The following SAG variants were observed in gnomAD, a reference collection of about 807,000 sequenced individuals.
SAG encodes the protein S-arrestin.
In SAG, 45 loss-of-function variants were observed where a neutral mutation model predicts 55.0. That is an observed-to-expected ratio of 0.82 (90% CI 0.64 to 1.05). The LOEUF (loss-of-function observed/expected upper bound fraction) is 1.05. Among genes scored for constraint, SAG ranks in the 50% least tolerant of loss-of-function variants. The pLI, the probability that SAG is intolerant of heterozygous loss-of-function variation, is 0.00. For synonymous variants in SAG, 189 were observed against 197.4 expected, an observed-to-expected ratio of 0.96 and a Z score of 0.36; for missense variants, 455 against 512.1, an observed-to-expected ratio of 0.89 and a Z score of 1.08.
chr2:233,338,086 G>T (rs1274203455), intron 11 of SAG, among the ~76,000 whole-genome samples: 1 of 152,222 alleles, frequency 6.6e-6, no homozygotes, highest in Non-Finnish European at 1.5e-5. Context: ...GGGTGCTGGG[G>T]ACACACAGCT....
intron 15 of SAG, 125 bp from the exon 16 acceptor site, chr2:233,346,682 G>A: frequency 1.3e-6 from 1 of 772,176 alleles, no homozygotes; most frequent in South Asian, 1.5e-5. Context: ...AAAATGGCGT[G>A]CCCCCATGTT....
At chr2:233,320,084 G>A in intron 4 of SAG, 1 of 703,276 alleles carries the variant, frequency 1.4e-6, no homozygotes, top group Non-Finnish European at 1.7e-6. Flanking sequence ...GTATGTTTCA[G>A]AGCAGCGTGA....
intron 2 of SAG, among the ~76,000 whole-genome samples, chr2:233,309,484 T>C (rs1483084952): frequency 6.6e-6 from 1 of 152,046 alleles, no homozygotes; most frequent in Non-Finnish European, 1.5e-5. Context: ...CCATCTCTAC[T>C]AAAAATACAA....
chr2:233,321,633 G>A (rs1368233354), intron 5 of SAG, among the ~76,000 whole-genome samples: 2 of 152,114 alleles, frequency 1.3e-5, no homozygotes, highest in Non-Finnish European at 2.9e-5. Flanking sequence ...GGGGTTTAAT[G>A]GGAACAGAGC....
Position 233,327,209 on chromosome 2 carries a change from G to A in SAG, c.512+12G>A. On this transcript the variant is annotated intron_variant, in intron 7 of 15. Transcript: ENST00000409110. Reference sequence around the variant, plus strand: ...AAAATCCCCAAGAAGTAAGAGTATGGTTGCGGAATAGGTGAGGGGTCTGCG... The same window carrying A: ...AAAATCCCCAAGAAGTAAGAGTATGATTGCGGAATAGGTGAGGGGTCTGCG... 1 of 1,611,474 alleles carries A rather than the reference G, an allele frequency of 6.2e-7. No individual in the cohort carries two copies. Among genetic ancestry groups the A allele is most frequent in the Non-Finnish European group, 8.5e-7 (1 of 1,177,682 alleles).
rs1700288645 is a variant in SAG, at chr2:233,318,798, G to A, written c.181+3G>A. Reference sequence around the variant, plus strand: ...TGATCTTGTGAAGGGAAAGAAAGGTGAGATGAAGCCCCTTGTCTCAGGCTG... The same window carrying A: ...TGATCTTGTGAAGGGAAAGAAAGGTAAGATGAAGCCCCTTGTCTCAGGCTG... On this transcript the variant is annotated splice_donor_region_variant and intron_variant, in intron 4 of 15. Coordinates refer to ENST00000409110, the MANE Select transcript of SAG (RefSeq NM_000541.5). The A allele has an allele frequency of 6.2e-7, 1 of 1,613,514 alleles. No homozygotes were observed. The highest frequency in any genetic ancestry group is 8.5e-7 in the Non-Finnish European group (1 of 1,179,430).
At position 233,319,725 on chromosome 2, in the gene SAG, G is replaced by A. The variant is rs929961882; in HGVS notation, c.182-905G>A. ...AGCCCAAGTCCTTGACCAGAGAAGG[G>A]CGCCTGTTCTCAGGGAAAGCCACTG... is the stretch of plus-strand genomic sequence containing the variant. On this transcript the variant is annotated intron_variant, in intron 4 of 15. Coordinates refer to ENST00000409110, the MANE Select transcript of SAG (RefSeq NM_000541.5). This position sits in a 1 kb window ranked among gnomAD's most constrained non-coding sequence, Gnocchi z 4.4. The A allele has an allele frequency of 3.0e-6, 3 of 985,590 alleles. No homozygotes were observed. In the African/African-American group the frequency reaches 5.2e-5, roughly 17 times the overall value. The allele number at this position is 985,590 out of a possible 1,614,324, so 61.1% of individuals were successfully genotyped here.
chr2:233,315,992 G>T (rs1005323335), intron 2 of SAG, 83 bp from the exon 3 acceptor site: 61 of 813,526 alleles, frequency 7.5e-5, no homozygotes, highest in Admixed American at 3.5e-4. Context: ...GAGCCACCGC[G>T]CCCGGGCTGC....
At chr2:233,329,718 G>GA in intron 9 of SAG, 141 bp downstream of exon 9, 1 of 630,630 alleles carries the variant, frequency 1.6e-6, no homozygotes, top group Non-Finnish European at 2.8e-6. Flanking sequence ...ATAGGCAGCA[G>GA]GACTGCGGAG....
rs1472570547 is a variant in SAG at position 233,340,890 on chromosome 2, C to T, written c.1046+412C>T. ...GTGCAGTGACGTGATCTCGGCTCAC[C>T]GTGACCTCCACTTCCTGGGTTCAGG... On this transcript the variant is annotated intron_variant, in intron 13 of 15. Coordinates refer to ENST00000409110, the MANE Select transcript of SAG (RefSeq NM_000541.5). The surrounding 1 kb of genome is among the most constrained non-coding windows in gnomAD (Gnocchi z 4.2). 3.3e-5 allele frequency among the ~76,000 whole-genome samples: 5 copies of T among 152,102 alleles called. No homozygotes were observed. The highest frequency in any genetic ancestry group is 1.9e-4 in the East Asian group (1 of 5,190).
Position 233,324,147 on chromosome 2 carries a change from A to G in SAG, c.435+1142A>G, listed in dbSNP as rs568241029. On this transcript the variant is annotated intron_variant, in intron 6 of 15. Coordinates refer to ENST00000409110, the MANE Select transcript of SAG (RefSeq NM_000541.5). ...TGCAGTGGCTCAGGCCTGTCATCCC[A>G]GCACTTTGGGAGGCTGAGGTGGGCG... 4.6e-5 allele frequency among the ~76,000 whole-genome samples: 7 copies of G among 152,298 alleles called. No individual in the cohort carries two copies. The East Asian group carries it at 1.4e-3, about 29-fold the overall frequency.
rs143841408 is a variant in SAG, at chr2:233,331,558, C to T, written c.734-82C>T. On this transcript the variant is annotated intron_variant, in intron 9 of 15. Coordinates refer to ENST00000409110, the MANE Select transcript of SAG (RefSeq NM_000541.5). ...ACCATCATCAGAGAGGAGAGACCAG[C>T]GTGTACCCTGGGAGGCCGCAGGGAA... 3,055 of 841,950 alleles carry T rather than the reference C, an allele frequency of 3.6e-3. 65 individuals are homozygous for T. Among genetic ancestry groups the T allele is most frequent in the South Asian group, 0.023 (1,647 of 72,128 alleles). The allele number at this position is 841,950 out of a possible 1,614,324, so 52.2% of individuals were successfully genotyped here.
At chr2:233,329,332 A>G (rs1700674646) in intron 8 of SAG, 161 bp from the exon 9 acceptor site, 5 of 609,400 alleles carry the variant, frequency 8.2e-6, no homozygotes, top group Non-Finnish European at 1.5e-5. Flanking sequence ...AATGTGTTTC[A>G]GGCCCTTCCT....
intron 14 of SAG, chr2:233,343,612 C>T: frequency 9.0e-7 from 1 of 1,114,952 alleles, no homozygotes. Context: ...TGATCTCAAT[C>T]ATTCTCTTTC....
At chr2:233,315,489 C>T (rs1446348344) in intron 2 of SAG, among the ~76,000 whole-genome samples, 1 of 151,372 alleles carries the variant, frequency 6.6e-6, no homozygotes, top group East Asian at 1.9e-4. Context: ...GACAGGGTTT[C>T]GTCATGTTGG....
rs1452959569 is a variant in SAG, at chr2:233,319,008, A to G, written c.181+213A>G. Reference sequence around the variant, plus strand: ...TGACACCAGAGCTCACTCGCTCAGCAAAGTCATTGTCCAGGGTGGCAGATA... The same window carrying G: ...TGACACCAGAGCTCACTCGCTCAGCGAAGTCATTGTCCAGGGTGGCAGATA... On this transcript the variant is annotated intron_variant, in intron 4 of 15. Coordinates refer to ENST00000409110, the MANE Select transcript of SAG (RefSeq NM_000541.5). The surrounding 1 kb of genome is among the most constrained non-coding windows in gnomAD (Gnocchi z 4.4). 6 of 709,438 alleles carry G rather than the reference A, an allele frequency of 8.5e-6. No individual in the cohort carries two copies. Among genetic ancestry groups the G allele is most frequent in the Admixed American group, 4.0e-5 (2 of 49,682 alleles). 43.9% of individuals were successfully genotyped at this position (709,438 alleles called of 1,614,324 possible).
At position 233,343,773 on chromosome 2, in the gene SAG, T is replaced by G. The variant is rs1022923680; in HGVS notation, c.1102+1447T>G. 1.2e-5 allele frequency: 12 copies of G among 1,039,090 alleles called. No individual in the cohort carries two copies. In the African/African-American group the frequency reaches 1.9e-4, roughly 16 times the overall value. The allele number at this position is 1,039,090 out of a possible 1,614,324, so 64.4% of individuals were successfully genotyped here. A position where few individuals can be genotyped will look rare whatever the true frequency, so the allele number is the denominator to read the frequency against. On this transcript the variant is annotated intron_variant, in intron 14 of 15. Coordinates refer to ENST00000409110, the MANE Select transcript of SAG (RefSeq NM_000541.5). ...TCCGTAGGTATAGGAATAAGGGATA[T>G]TTTAAGTAAAAGTGGTATAAACAAG...
intron 8 of SAG, 59 bp from the exon 9 acceptor site, chr2:233,329,434 A>G: frequency 2.9e-6 from 3 of 1,024,196 alleles, no homozygotes; most frequent in Non-Finnish European, 4.6e-6. Context: ...GAAAGCAGTA[A>G]GATTAAAGAC....
At position 233,322,688 on chromosome 2, in the gene SAG, C is replaced by A. The variant is rs3762586; in HGVS notation, c.376-258C>A. On this transcript the variant is annotated intron_variant, in intron 5 of 15. Transcript: ENST00000409110. The stretch of plus-strand genomic sequence containing the variant: ...TGGTGGTGTGTGCCTGTAATCCCAG[C>A]TACTCCACTGCACTCCAGCCTGGGC... Among the ~76,000 whole-genome samples the A allele has an allele frequency of 0.11, 17,391 of 151,826 alleles. 1,189 individuals carry two copies. The highest frequency in any genetic ancestry group is 0.18 in the African/African-American group (7,255 of 41,396).
Sources: gnomAD v4.1 joint callset for allele counts (sites outside exome capture counted in the v4.1 genomes callset) on GRCh38, gnomAD v4.1.1 for gene constraint, Gnocchi (gnomAD v3.1) non-coding constraint, MANE v1.5 for transcripts, NCBI Gene and HGNC (gene_info 2026-07-23, HGNC 2026-07-21) for gene names.